MEA1: variants seen among roughly 807,000 people sequenced by gnomAD.
The protein encoded by MEA1 is male-enhanced antigen 1, also known as Male-enhanced antigen (H-Y structural gene).
A neutral mutation model predicts 21.4 loss-of-function variants in MEA1; 22 were observed. That is an observed-to-expected ratio of 1.03 (90% CI 0.73 to 1.47). The LOEUF (loss-of-function observed/expected upper bound fraction) is 1.47, where lower values mean the gene tolerates loss of function less well. Among genes scored for constraint, MEA1 ranks in the 40% most tolerant of loss-of-function variants. The probability of loss-of-function intolerance (pLI) is 0.00; values close to 1 mark genes in which losing one functional copy is unlikely to be tolerated. For missense variants in MEA1, 233 were observed against 230.5 expected (o/e 1.01, Z -0.07); for synonymous variants, 91 against 85.5 (o/e 1.06, Z -0.35).
Position 43,012,187 on chromosome 6 carries a change from G to C in MEA1, c.*283C>G. The C allele has an allele frequency of 8.8e-7, 1 of 1,131,758 alleles. No individual in the cohort carries two copies. The highest frequency in any genetic ancestry group is 1.1e-6 in the Non-Finnish European group (1 of 924,270). 70.1% of individuals were successfully genotyped at this position (1,131,758 alleles called of 1,614,324 possible). On this transcript the variant is annotated 3_prime_UTR_variant, in exon 4 of 4. Transcript: ENST00000244711. ...TACCTTGGAGGGGCCAGGGGCTGAG[G>C]AAGGCCGGACCCAGGTTCCAGGGGC...
chr6:43,012,898 A>T, intron 3 of MEA1, 28 bp downstream of exon 3: 2 of 1,586,528 alleles, frequency 1.3e-6, no homozygotes, highest in Non-Finnish European at 1.7e-6. Flanking sequence ...CTTAGTAATT[A>T]TTCCAGAATG....
chr6:43,013,839 G>A lies in MEA1; in HGVS notation c.-26C>T. 3 of 1,580,280 alleles carry A rather than the reference G, an allele frequency of 1.9e-6. No homozygotes were observed. Among genetic ancestry groups the A allele is most frequent in the Non-Finnish European group, 1.7e-6 (2 of 1,165,560 alleles). Reference sequence around the variant, plus strand: ...GGGCTCCCCTCAAATGGCCCCAGCTGCAGCGTCCCCCACCCGCCCCCATCC... The same window carrying A: ...GGGCTCCCCTCAAATGGCCCCAGCTACAGCGTCCCCCACCCGCCCCCATCC... On this transcript the variant is annotated 5_prime_UTR_variant, in exon 1 of 4. Transcript: ENST00000244711.
rs771680593 is a variant in MEA1 at position 43,013,136 on chromosome 6, A to G, written c.282T>C (p.Ala94=). The stretch of plus-strand genomic sequence containing the variant: ...CTACCTGGATTCGATCCTGGATGTC[A>G]GCAACTACATCTCCATCCCCCACTG... ...LAPVGDGDVV[A]DIQDRIQALG... Residue 94 remains alanine, a synonymous_variant, in exon 2 of 4, where the codon GCT becomes GCC. Transcript: ENST00000244711. 8.7e-6 allele frequency: 14 copies of G among 1,614,050 alleles called. No homozygotes were observed. In the East Asian group the frequency reaches 3.1e-4, roughly 36 times the overall value.
intron 1 of MEA1, 26 bp downstream of exon 1, chr6:43,013,760 C>T (rs745320422): frequency 8.2e-6 from 13 of 1,591,274 alleles, no homozygotes; most frequent in Non-Finnish European, 1.1e-5. Flanking sequence ...CCCCTTCTCC[C>T]CTCTCCTAGA....
Position 43,013,907 on chromosome 6 carries a change from G to C in MEA1, c.-94C>G. Reference sequence around the variant, plus strand: ...TTCCCGCGCGCCTCACCCGCTCAGAGCCCGCGGCCTCCACTTCCGGCGGGG... The same window carrying C: ...TTCCCGCGCGCCTCACCCGCTCAGACCCCGCGGCCTCCACTTCCGGCGGGG... On this transcript the variant is annotated 5_prime_UTR_variant, in exon 1 of 4. Transcript: ENST00000244711. 1 of 1,485,682 alleles carries C rather than the reference G, an allele frequency of 6.7e-7. No homozygotes were observed. Among genetic ancestry groups the C allele is most frequent in the Non-Finnish European group, 8.9e-7 (1 of 1,117,540 alleles). The allele number at this position is 1,485,682 out of a possible 1,614,324, so 92.0% of individuals were successfully genotyped here. A position where few individuals can be genotyped will look rare whatever the true frequency, so the allele number is the denominator to read the frequency against.
At chr6:43,014,441 A>T, upstream of MEA1, 27 of 387,882 alleles carry the variant, frequency 7.0e-5, no homozygotes, top group East Asian at 1.5e-4. Flanking sequence ...CCTGAGAGTG[A>T]TGAGGTGGGG....
chr6:43,016,084 C>T (rs1208413835), upstream of MEA1, among the ~76,000 whole-genome samples: 9 of 151,892 alleles, frequency 5.9e-5, no homozygotes, highest in South Asian at 2.1e-4. Flanking sequence ...TACAGGTGCG[C>T]GCCACCGTGC....
rs1762387947 is a variant in MEA1 at position 43,012,268 on chromosome 6, A to G, written c.*202T>C. 7.4e-7 allele frequency: 1 copy of G among 1,343,848 alleles called. No homozygotes were observed. Among genetic ancestry groups the G allele is most frequent in the African/African-American group, 1.5e-5 (1 of 67,494 alleles). 83.2% of individuals were successfully genotyped at this position (1,343,848 alleles called of 1,614,324 possible). A position where few individuals can be genotyped will look rare whatever the true frequency, so the allele number is the denominator to read the frequency against. The stretch of plus-strand genomic sequence containing the variant: ...AGGGTGCTTTATTCTCCACAGAGTG[A>G]TACATGCTAAGGTGGGTTGGGCTTG... On this transcript the variant is annotated 3_prime_UTR_variant, in exon 4 of 4. Coordinates refer to ENST00000244711, the MANE Select transcript of MEA1 (RefSeq NM_014623.4).
chr6:43,011,402 C>G lies in MEA1; in HGVS notation c.*1068G>C. 7.2e-7 allele frequency: 1 copy of G among 1,380,756 alleles called. No homozygotes were observed. The highest frequency in any genetic ancestry group is 1.4e-5 in the South Asian group (1 of 72,682). The allele number at this position is 1,380,756 out of a possible 1,614,324, so 85.5% of individuals were successfully genotyped here. A position where few individuals can be genotyped will look rare whatever the true frequency, so the allele number is the denominator to read the frequency against. ...GGGGAAGGCAGCGCCTCTCTAGCTA[C>G]TCAAGGGAGGGGGATGTGGGCACTT... On this transcript the variant is annotated 3_prime_UTR_variant, in exon 4 of 4. Transcript: ENST00000244711.
Position 43,011,431 on chromosome 6 carries a change from G to T in MEA1, c.*1039C>A. On this transcript the variant is annotated 3_prime_UTR_variant, in exon 4 of 4. Coordinates refer to ENST00000244711, the MANE Select transcript of MEA1 (RefSeq NM_014623.4). ...AGGGAGGGGGATGTGGGCACTTGAA[G>T]CAGGGACACCCACAGAATGGTCCCT... 1.8e-6 allele frequency: 2 copies of T among 1,117,662 alleles called. No homozygotes were observed. Among genetic ancestry groups the T allele is most frequent in the Non-Finnish European group, 1.3e-6 (1 of 796,118 alleles). 69.2% of individuals were successfully genotyped at this position (1,117,662 alleles called of 1,614,324 possible).
rs1232152092 is a variant in MEA1, at chr6:43,013,331, G to C, written c.87C>G (p.Ile29Met). Reference sequence around the variant, plus strand: ...CCAGTTCCTCAGTCTGATTGGGGAAGATACGCTCAGGGCCCATGGTGTCTC... The same window carrying C: ...CCAGTTCCTCAGTCTGATTGGGGAACATACGCTCAGGGCCCATGGTGTCTC... ...LGGDTMGPER[I>M]FPNQTEELGH... Residue 29 changes from isoleucine to methionine, a missense_variant, in exon 2 of 4, where the codon ATC becomes ATG. Transcript: ENST00000244711. The C allele has an allele frequency of 6.2e-7, 1 of 1,613,986 alleles. No homozygotes were observed. Among genetic ancestry groups the C allele is most frequent in the East Asian group, 2.2e-5 (1 of 44,900 alleles).
At chr6:43,013,659 C>T (rs1214277693) in intron 1 of MEA1, 127 bp downstream of exon 1, 1 of 1,070,290 alleles carries the variant, frequency 9.3e-7, no homozygotes, top group Non-Finnish European at 1.4e-6. Flanking sequence ...AAAGACACCC[C>T]TTCCAGAACC....
chr6:43,011,883 G>A lies in MEA1; in HGVS notation c.*587C>T, dbSNP rs1762366898. On this transcript the variant is annotated 3_prime_UTR_variant, in exon 4 of 4. Transcript: ENST00000244711. The stretch of plus-strand genomic sequence containing the variant: ...GGTCAAAAGGAGAAAAGTATAGGCT[G>A]TGGACAATAACTGATGAATATAGGG... 6.3e-6 allele frequency: 1 copy of A among 157,770 alleles called. No homozygotes were observed. The highest frequency in any genetic ancestry group is 2.4e-5 in the African/African-American group (1 of 41,496). The allele number at this position is 157,770 out of a possible 1,614,324, so 9.8% of individuals were successfully genotyped here. A position where few individuals can be genotyped will look rare whatever the true frequency, so the allele number is the denominator to read the frequency against.
chr6:43,013,876 C>A lies in MEA1; in HGVS notation c.-63G>T. On this transcript the variant is annotated 5_prime_UTR_variant, in exon 1 of 4. Transcript: ENST00000244711. ...ACCCGCCCCCATCCGAATCCCGGCG[C>A]CGGTGTTCCCGCGCGCCTCACCCGC... The A allele has an allele frequency of 2.6e-6, 4 of 1,514,910 alleles. No homozygotes were observed. The South Asian group carries it at 5.1e-5, about 19-fold the overall frequency. The allele number at this position is 1,514,910 out of a possible 1,614,324, so 93.8% of individuals were successfully genotyped here. A position where few individuals can be genotyped will look rare whatever the true frequency, so the allele number is the denominator to read the frequency against.
chr6:43,013,993 G>A, upstream of MEA1: 1 of 1,427,052 alleles, frequency 7.0e-7, no homozygotes, highest in Non-Finnish European at 9.2e-7. Flanking sequence ...TGACGCTGGC[G>A]AGGACGAGGA....
rs897573553 is a variant in MEA1 at position 43,012,220 on chromosome 6, G to A, written c.*250C>T. Reference sequence around the variant, plus strand: ...GACCCAGGTTCCAGGGGCGCAGGCAGTGCGGCTTTTGGCTGTGTACATAGG... The same window carrying A: ...GACCCAGGTTCCAGGGGCGCAGGCAATGCGGCTTTTGGCTGTGTACATAGG... On this transcript the variant is annotated 3_prime_UTR_variant, in exon 4 of 4. Coordinates refer to ENST00000244711, the MANE Select transcript of MEA1 (RefSeq NM_014623.4). 1 of 1,195,928 alleles carries A rather than the reference G, an allele frequency of 8.4e-7. No individual in the cohort carries two copies. The highest frequency in any genetic ancestry group is 1.0e-6 in the Non-Finnish European group (1 of 963,564). The allele number at this position is 1,195,928 out of a possible 1,614,324, so 74.1% of individuals were successfully genotyped here. A position where few individuals can be genotyped will look rare whatever the true frequency, so the allele number is the denominator to read the frequency against.
rs186470186 is a variant in MEA1 at position 43,012,687 on chromosome 6, C to T, written c.407-66G>A. 2.5e-4 allele frequency: 380 copies of T among 1,511,852 alleles called. No homozygotes were observed. The African/African-American group carries it at 4.5e-3, about 18-fold the overall frequency. 93.7% of individuals were successfully genotyped at this position (1,511,852 alleles called of 1,614,324 possible). On this transcript the variant is annotated intron_variant, in intron 3 of 3. Coordinates refer to ENST00000244711, the MANE Select transcript of MEA1 (RefSeq NM_014623.4). Reference sequence around the variant, plus strand: ...GGGACCAGCTCCCCTCCCCAATCCCCGAATCAACCCAGAGCCCTTGGGCTG... The same window carrying T: ...GGGACCAGCTCCCCTCCCCAATCCCTGAATCAACCCAGAGCCCTTGGGCTG...
chr6:43,016,402 G>A (rs1007491150), upstream of MEA1: 2 of 152,260 alleles, frequency 1.3e-5, no homozygotes, highest in African/African-American at 4.8e-5. Flanking sequence ...CATCCCCCAA[G>A]CCTAAGCATA....
At chr6:43,016,287 T>C (rs1762571317), upstream of MEA1, 1 of 152,264 alleles carries the variant, frequency 6.6e-6, no homozygotes, top group Non-Finnish European at 1.5e-5. Flanking sequence ...GGAACCCAAG[T>C]TGTGGAAGAG....
Sources: gnomAD v4.1 joint callset for allele counts (sites outside exome capture counted in the v4.1 genomes callset) on GRCh38, gnomAD v4.1.1 for gene constraint, MANE v1.5 for transcripts, NCBI Gene and HGNC (gene_info 2026-07-23, HGNC 2026-07-21) for gene names.